Variants in OLFM3 observed in about 807,000 individuals in gnomAD.
OLFM3 encodes the protein olfactomedin 3, also known as noelin-3.
A neutral mutation model predicts 48.6 loss-of-function variants in OLFM3; 20 were observed. That is an observed-to-expected ratio of 0.41 (90% CI 0.29 to 0.60). The LOEUF (loss-of-function observed/expected upper bound fraction) is 0.60. Among genes scored for constraint, OLFM3 ranks in the 20% least tolerant of loss-of-function variants. The pLI is 0.28. For synonymous variants in OLFM3, 222 were observed against 198.1 expected, an observed-to-expected ratio of 1.12 and a Z score of -1.01; for missense variants, 437 against 544.3, an observed-to-expected ratio of 0.80 and a Z score of 1.96.
intron 1 of OLFM3, among the ~76,000 whole-genome samples, chr1:101,923,121 C>A (rs1659153735): frequency 6.6e-6 from 1 of 152,168 alleles, no homozygotes; most frequent in Admixed American, 6.5e-5. Flanking sequence ...TTTCTGGATG[C>A]CAGGTGGTCT....
At chr1:101,942,695 G>T (rs1570651612) in intron 1 of OLFM3, among the ~76,000 whole-genome samples, 1 of 152,038 alleles carries the variant, frequency 6.6e-6, no homozygotes, top group Non-Finnish European at 1.5e-5. Flanking sequence ...TGATGCATGT[G>T]GTATACAATA....
intron 5 of OLFM3, 31 bp downstream of exon 5, chr1:101,806,045 C>G: frequency 6.6e-7 from 1 of 1,514,518 alleles, no homozygotes; most frequent in Non-Finnish European, 9.2e-7. Flanking sequence ...GAACTTAATT[C>G]TAAGCAAAGG....
intron 1 of OLFM3, among the ~76,000 whole-genome samples, chr1:101,949,946 A>AG (rs1660078876): frequency 1.3e-5 from 2 of 149,844 alleles, no homozygotes; most frequent in African/African-American, 4.9e-5. Flanking sequence ...AAAAAAAAAA[A>AG]AAGCCTCTGA....
intron 1 of OLFM3, among the ~76,000 whole-genome samples, chr1:101,869,369 T>C (rs1174273124): frequency 6.6e-6 from 1 of 152,162 alleles, no homozygotes; most frequent in Non-Finnish European, 1.5e-5. Flanking sequence ...TCTGGTTTAA[T>C]GACTGCCTTT....
chr1:101,984,952 T>C (rs1253844386), intron 1 of OLFM3, among the ~76,000 whole-genome samples: 1 of 152,234 alleles, frequency 6.6e-6, no homozygotes, highest in Non-Finnish European at 1.5e-5. Flanking sequence ...CACAAATTTA[T>C]TACAGTTCTG....
intron 1 of OLFM3, among the ~76,000 whole-genome samples, chr1:101,877,768 C>T (rs1407023416): frequency 6.6e-6 from 1 of 151,242 alleles, no homozygotes; most frequent in Non-Finnish European, 1.5e-5. Flanking sequence ...TAGATGTTAA[C>T]ATTGTGTTTA....
intron 1 of OLFM3, among the ~76,000 whole-genome samples, chr1:101,863,475 C>T (rs1213324366): frequency 3.9e-5 from 6 of 152,168 alleles, no homozygotes; most frequent in Non-Finnish European, 1.5e-5. Flanking sequence ...GACCATTTCT[C>T]TTATGATATG....
At chr1:101,933,718 G>T (rs1301863752) in intron 1 of OLFM3, among the ~76,000 whole-genome samples, 2 of 151,996 alleles carry the variant, frequency 1.3e-5, no homozygotes, top group Non-Finnish European at 2.9e-5. Context: ...TAGATAGAAG[G>T]GGCAGGTCAC....
chr1:101,955,218 C>A (rs1232429481), intron 1 of OLFM3, among the ~76,000 whole-genome samples: 3 of 151,744 alleles, frequency 2.0e-5, no homozygotes, highest in African/African-American at 7.3e-5. Flanking sequence ...ATTTAGGTAC[C>A]CCCTAGGTTT....
chr1:101,882,787 A>C (rs770653254), intron 1 of OLFM3: 3 of 151,898 alleles, frequency 2.0e-5, no homozygotes, highest in Non-Finnish European at 4.4e-5. Context: ...TCAACAAGGC[A>C]GGGACAGCTG....
chr1:101,836,896 G>T lies in OLFM3; in HGVS notation c.199C>A (p.Arg67Ser). Residue 67 changes from arginine to serine, a missense_variant, in exon 2 of 6, where the codon CGC (arginine) becomes AGC (serine). Physicochemically the swap from Arg to Ser is moderately radical, Grantham distance 110 (BLOSUM62 -1). Around this residue, in one of 3 missense-constraint regions of OLFM3, gnomAD observed 314 missense variants for 365.5 expected, o/e 0.86. Coordinates refer to ENST00000370103, the MANE Select transcript of OLFM3 (RefSeq NM_058170.4). ...CSRDAKSRQL[R>S]QLLEKVQNMS... ...ACACCTACCTTTTCCAGTAGTTGGCGAAGTTGCCTGCTTTTGGCATCCCGG... is the reference window on the plus strand; with the variant it reads ...ACACCTACCTTTTCCAGTAGTTGGCTAAGTTGCCTGCTTTTGGCATCCCGG... The T allele has an allele frequency of 6.2e-7, 1 of 1,614,094 alleles. No individual in the cohort carries two copies. Among genetic ancestry groups the T allele is most frequent in the Non-Finnish European group, 8.5e-7 (1 of 1,180,006 alleles).
At chr1:101,944,160 T>C (rs542837806) in intron 1 of OLFM3, among the ~76,000 whole-genome samples, 2 of 151,976 alleles carry the variant, frequency 1.3e-5, no homozygotes, top group Admixed American at 1.3e-4. Flanking sequence ...TGCCTACTTC[T>C]ATGTTATATT....
chr1:101,944,790 G>T (rs1483147009), intron 1 of OLFM3, among the ~76,000 whole-genome samples: 1 of 151,842 alleles, frequency 6.6e-6, no homozygotes, highest in Non-Finnish European at 1.5e-5. Context: ...TGAGGCAGGA[G>T]AATTGCTTGA....
At chr1:101,911,683 A>G (rs1658764524) in intron 1 of OLFM3, among the ~76,000 whole-genome samples, 1 of 152,166 alleles carries the variant, frequency 6.6e-6, no homozygotes, top group African/African-American at 2.4e-5. Context: ...GGGCTAATAC[A>G]TGCACAACAA....
chr1:101,980,290 G>T (rs189518443), intron 1 of OLFM3, among the ~76,000 whole-genome samples: 1 of 152,170 alleles, frequency 6.6e-6, no homozygotes, highest in Non-Finnish European at 1.5e-5. Flanking sequence ...CATGAGATTT[G>T]GGAGGGGCCG....
intron 1 of OLFM3, among the ~76,000 whole-genome samples, chr1:101,933,933 C>A (rs545500084): frequency 2.0e-5 from 3 of 152,130 alleles, no homozygotes; most frequent in Non-Finnish European, 4.4e-5. Context: ...TTCATTAACA[C>A]CTGACCTGCC....
intron 1 of OLFM3, among the ~76,000 whole-genome samples, chr1:101,977,745 T>C (rs931008691): frequency 5.5e-4 from 84 of 152,240 alleles, no homozygotes; most frequent in African/African-American, 2.0e-3. Flanking sequence ...ATTTATTCCA[T>C]CAAATATAGC....
chr1:101,896,656 G>A (rs148811176), intron 1 of OLFM3, among the ~76,000 whole-genome samples: 44 of 143,556 alleles, frequency 3.1e-4, no homozygotes, highest in African/African-American at 9.4e-4. Flanking sequence ...CACCACGCCC[G>A]GCTGATTTTT....
chr1:101,844,306 GAA>G (rs1361519294), intron 1 of OLFM3, among the ~76,000 whole-genome samples: 6 of 152,064 alleles, frequency 3.9e-5, no homozygotes, highest in African/African-American at 1.4e-4. Flanking sequence ...AGGGAGATGA[GAA>G]AACATACTTT....
Sources: gnomAD v4.1 joint callset for allele counts (sites outside exome capture counted in the v4.1 genomes callset) on GRCh38, gnomAD v4.1.1 for gene constraint, gnomAD v4.1.1 regional missense constraint, MANE v1.5 for transcripts, NCBI Gene and HGNC (gene_info 2026-07-23, HGNC 2026-07-21) for gene names.